Variants in BTC observed in about 807,000 individuals in gnomAD.
BTC encodes the protein probetacellulin.
In BTC, 13 loss-of-function variants were observed where a neutral mutation model predicts 18.1. That is an observed-to-expected ratio of 0.72 (90% CI 0.47 to 1.14). BTC has a LOEUF of 1.14. BTC is among the 50% of genes most tolerant of loss of function. The pLI is 0.00. For synonymous variants in BTC, 83 were observed against 79.4 expected, an observed-to-expected ratio of 1.05 and a Z score of -0.24; for missense variants, 247 against 224.2, an observed-to-expected ratio of 1.10 and a Z score of -0.65.
intron 1 of BTC, among the ~76,000 whole-genome samples, chr4:74,786,290 G>T (rs1283333702): frequency 1.3e-5 from 2 of 152,140 alleles, no homozygotes; most frequent in Non-Finnish European, 2.9e-5. Flanking sequence ...AGAGGGAAGT[G>T]GTTCTCGCCT....
Position 74,744,762 on chromosome 4 carries a change from G to T in BTC, c.*1915C>A, listed in dbSNP as rs1314284106. On this transcript the variant is annotated 3_prime_UTR_variant, in exon 6 of 6. Coordinates refer to ENST00000395743, the MANE Select transcript of BTC (RefSeq NM_001729.4). ...TCCCAAGTAACCACACGTTTACTTT[G>T]TTTTAAAAATAAATTTATTTTATTA... is the stretch of plus-strand genomic sequence containing the variant. 6.6e-6 allele frequency: 1 copy of T among 152,090 alleles called. No homozygotes were observed. The highest frequency in any genetic ancestry group is 1.5e-5 in the Non-Finnish European group (1 of 67,996). 9.4% of individuals were successfully genotyped at this position (152,090 alleles called of 1,614,324 possible). A position where few individuals can be genotyped will look rare whatever the true frequency, so the allele number is the denominator to read the frequency against.
At chr4:74,792,811 C>G (rs1433925286) in intron 1 of BTC, among the ~76,000 whole-genome samples, 5 of 152,264 alleles carry the variant, frequency 3.3e-5, no homozygotes, top group Non-Finnish European at 7.3e-5. Flanking sequence ...CCTTTCCCCA[C>G]TATTCCAGCC....
At chr4:74,778,481 A>T (rs542384964) in intron 1 of BTC, among the ~76,000 whole-genome samples, 15 of 152,254 alleles carry the variant, frequency 9.9e-5, no homozygotes, top group African/African-American at 3.6e-4. Flanking sequence ...AAATGTGTGC[A>T]CCTATCATGC....
At chr4:74,769,978 A>T in intron 2 of BTC, 80 bp downstream of exon 2, 1 of 1,195,342 alleles carries the variant, frequency 8.4e-7, no homozygotes, top group Non-Finnish European at 1.2e-6. Flanking sequence ...ATATGTTCAA[A>T]TGTTTACCTA....
At chr4:74,771,882 G>C (rs955550733) in intron 1 of BTC, among the ~76,000 whole-genome samples, 1 of 152,066 alleles carries the variant, frequency 6.6e-6, no homozygotes, top group African/African-American at 2.4e-5. Context: ...AAAATGGCAT[G>C]AGTTTAAAAA....
chr4:74,747,025 A>T (rs138822614), intron 5 of BTC, among the ~76,000 whole-genome samples: 189 of 152,318 alleles, frequency 1.2e-3, no homozygotes, highest in African/African-American at 4.4e-3. Flanking sequence ...AGAAAGAGGG[A>T]AATAATCTGG....
At chr4:74,782,260 C>G (rs1471800600) in intron 1 of BTC, among the ~76,000 whole-genome samples, 1 of 152,104 alleles carries the variant, frequency 6.6e-6, no homozygotes, top group East Asian at 1.9e-4. Context: ...TGATGCTCTC[C>G]CTATCCCCCG....
Position 74,786,848 on chromosome 4 carries a change from T to C in BTC, c.64+7414A>G, listed in dbSNP as rs190215546. 5.9e-5 allele frequency among the ~76,000 whole-genome samples: 9 copies of C among 152,280 alleles called. No homozygotes were observed. The East Asian group carries it at 1.7e-3, about 29-fold the overall frequency. On this transcript the variant is annotated intron_variant, in intron 1 of 5. Coordinates refer to ENST00000395743, the MANE Select transcript of BTC (RefSeq NM_001729.4). ...AAATGCTATGGGAAAAAGAAAAGCC[T>C]TTTGTGAAAGAATCTCTAGCACTGC...
chr4:74,758,457 G>A (rs782725834), intron 2 of BTC, among the ~76,000 whole-genome samples: 1 of 152,174 alleles, frequency 6.6e-6, no homozygotes, highest in Admixed American at 6.5e-5. Context: ...GGGCGAAGGG[G>A]AGGGAGGGCA....
chr4:74,781,002 C>A (rs9991257), intron 1 of BTC, among the ~76,000 whole-genome samples: 27,136 of 151,550 alleles, frequency 0.18, 4,039 homozygotes, highest in African/African-American at 0.41. Flanking sequence ...CCTCAAAAAC[C>A]TTGCCAAAGT....
chr4:74,777,528 T>A (rs1725208348), intron 1 of BTC, among the ~76,000 whole-genome samples: 1 of 152,244 alleles, frequency 6.6e-6, no homozygotes, highest in Admixed American at 6.5e-5. Flanking sequence ...CACATATATA[T>A]GCATACCTTC....
At chr4:74,786,711 C>T (rs1199349685) in intron 1 of BTC, among the ~76,000 whole-genome samples, 2 of 152,102 alleles carry the variant, frequency 1.3e-5, no homozygotes, top group African/African-American at 4.8e-5. Context: ...ATTGCCCTTC[C>T]CTCCCCAACT....
intron 3 of BTC, 76 bp downstream of exon 3, chr4:74,755,783 C>T (rs1348682678): frequency 1.5e-6 from 2 of 1,372,436 alleles, no homozygotes; most frequent in African/African-American, 2.9e-5. Context: ...TTAGCTCACA[C>T]TTTCCAGTCC....
intron 2 of BTC, among the ~76,000 whole-genome samples, chr4:74,760,723 A>G (rs962599997): frequency 6.8e-6 from 1 of 147,610 alleles, no homozygotes; most frequent in African/African-American, 2.5e-5. Flanking sequence ...ATATGGACAG[A>G]TTAGCATGTC....
chr4:74,766,678 A>G (rs1270053408), intron 2 of BTC, among the ~76,000 whole-genome samples: 1 of 152,092 alleles, frequency 6.6e-6, no homozygotes, highest in Non-Finnish European at 1.5e-5. Context: ...TCTATCAAAC[A>G]TTTAAATACG....
chr4:74,749,542 C>CT (rs1280649885), intron 4 of BTC, among the ~76,000 whole-genome samples: 1 of 150,514 alleles, frequency 6.6e-6, no homozygotes, highest in Non-Finnish European at 1.5e-5. Context: ...TACCGTAGTG[C>CT]TTTTTTCCCT....
intron 1 of BTC, among the ~76,000 whole-genome samples, chr4:74,775,533 C>T (rs1725153202): frequency 6.6e-6 from 1 of 152,106 alleles, no homozygotes; most frequent in Non-Finnish European, 1.5e-5. Context: ...ACTCTCAACT[C>T]CCCAGAAATC....
intron 2 of BTC, among the ~76,000 whole-genome samples, chr4:74,759,657 TAAA>T (rs61506916): frequency 2.7e-5 from 4 of 146,872 alleles, no homozygotes; most frequent in African/African-American, 2.5e-5. Context: ...ACATTTAAGT[TAAA>T]AAAAAAAAAA....
intron 4 of BTC, among the ~76,000 whole-genome samples, chr4:74,749,674 A>C (rs1724398019): frequency 7.6e-6 from 1 of 131,658 alleles, no homozygotes; most frequent in Non-Finnish European, 1.6e-5. Flanking sequence ...CACTTTAATA[A>C]GATAGTTTTT....
Sources: gnomAD v4.1 joint callset for allele counts (sites outside exome capture counted in the v4.1 genomes callset) on GRCh38, gnomAD v4.1.1 for gene constraint, MANE v1.5 for transcripts, NCBI Gene and HGNC (gene_info 2026-07-23, HGNC 2026-07-21) for gene names.